The following KIAA0825 variants were observed in gnomAD, a reference collection of about 807,000 sequenced individuals.
The protein encoded by KIAA0825 is uncharacterized protein KIAA0825.
KIAA0825 carries 119 observed loss-of-function variants against 147.6 expected under a neutral mutation model. The observed-to-expected ratio is 0.81, with a 90% CI of 0.69 to 0.94. KIAA0825 has a LOEUF of 0.94. Ranked by LOEUF, KIAA0825 falls within the 40% of genes least tolerant of loss-of-function variation. KIAA0825 has a pLI of 0.00. For missense variants in KIAA0825, 1,381 were observed against 1,472.7 expected (o/e 0.94, Z 1.02); for synonymous variants, 470 against 518.1 (o/e 0.91, Z 1.26).
intron 2 of KIAA0825, among the ~76,000 whole-genome samples, chr5:94,542,026 T>G (rs944065344): frequency 1.3e-5 from 2 of 152,230 alleles, no homozygotes; most frequent in African/African-American, 4.8e-5. Flanking sequence ...CAATTATGTT[T>G]TTAACTGTGA....
chr5:94,589,642 C>T lies in KIAA0825; in HGVS notation c.-152-7059G>A, dbSNP rs147947427. ...ATCTCGTTGTATTTATTTCTAGGCA[C>T]TCCATATTTTGATTATATCTCCTTG... On this transcript the variant is annotated intron_variant, in intron 1 of 20. Coordinates refer to ENST00000682413, the MANE Select transcript of KIAA0825 (RefSeq NM_001145678.3). Among the ~76,000 whole-genome samples the T allele has an allele frequency of 2.1e-3, 313 of 152,184 alleles. 2 individuals carry two copies. Among genetic ancestry groups the T allele is most frequent in the African/African-American group, 7.3e-3 (305 of 41,544 alleles).
intron 20 of KIAA0825, among the ~76,000 whole-genome samples, chr5:94,209,726 A>G (rs892407742): frequency 2.0e-5 from 3 of 152,108 alleles, no homozygotes; most frequent in African/African-American, 7.2e-5. Context: ...GATTTTTTTG[A>G]CAGCATTGCC....
intron 3 of KIAA0825, 51 bp from the exon 4 acceptor site, chr5:94,524,149 T>G: frequency 8.2e-7 from 1 of 1,212,212 alleles, no homozygotes; most frequent in Non-Finnish European, 1.2e-6. Flanking sequence ...GATAATGGCT[T>G]CATTTCATAA....
In KIAA0825 at chr5:94,460,396, T is replaced by C. The variant is rs541414018; in HGVS notation, c.2246+1991A>G. On this transcript the variant is annotated intron_variant, in intron 12 of 20. Coordinates refer to ENST00000682413, the MANE Select transcript of KIAA0825 (RefSeq NM_001145678.3). ...TCTTCCTGAAAAGACTTTAAAATCA[T>C]GTATTCCTGTCCAGGGATTTCGTGG... is the stretch of plus-strand genomic sequence containing the variant. Among the ~76,000 whole-genome samples, 74 of 152,244 alleles carry C rather than the reference T, an allele frequency of 4.9e-4. 1 individual carries two copies. Among genetic ancestry groups the C allele is most frequent in the African/African-American group, 1.7e-3 (69 of 41,580 alleles).
At chr5:94,378,970 ATTTG>A (rs1473822884) in intron 20 of KIAA0825, among the ~76,000 whole-genome samples, 12 of 151,608 alleles carry the variant, frequency 7.9e-5, no homozygotes, top group Non-Finnish European at 1.3e-4. Flanking sequence ...TTGCTTGTTG[ATTTG>A]TTTAAGTTCC....
intron 20 of KIAA0825, among the ~76,000 whole-genome samples, chr5:94,312,547 C>T (rs1334273895): frequency 1.3e-5 from 2 of 151,578 alleles, no homozygotes; most frequent in Admixed American, 1.3e-4. Context: ...TTCTTAAGCA[C>T]GCTTTTGCAT....
chr5:94,290,773 C>T (rs574407259), intron 20 of KIAA0825, among the ~76,000 whole-genome samples: 2 of 152,312 alleles, frequency 1.3e-5, no homozygotes, highest in Non-Finnish European at 2.9e-5. Context: ...ATTCCTATTT[C>T]TCCACATCCT....
intron 20 of KIAA0825, among the ~76,000 whole-genome samples, chr5:94,290,438 T>C (rs1777838346): frequency 6.6e-6 from 1 of 152,176 alleles, no homozygotes; most frequent in South Asian, 2.1e-4. Flanking sequence ...TACAGCTTCA[T>C]CCATGTCCCT....
At chr5:94,608,807 T>C (rs886395751) in intron 1 of KIAA0825, among the ~76,000 whole-genome samples, 1 of 151,882 alleles carries the variant, frequency 6.6e-6, no homozygotes, top group Non-Finnish European at 1.5e-5. Context: ...TACTGTCAGA[T>C]GGACAGTTTT....
intron 20 of KIAA0825, among the ~76,000 whole-genome samples, chr5:94,296,978 T>G (rs1311590625): frequency 6.6e-6 from 1 of 152,230 alleles, no homozygotes; most frequent in Non-Finnish European, 1.5e-5. Flanking sequence ...AATTTTTTAT[T>G]GGTCTAAATT....
chr5:94,267,599 A>G (rs769897901), intron 20 of KIAA0825, among the ~76,000 whole-genome samples: 3 of 152,194 alleles, frequency 2.0e-5, no homozygotes, highest in Non-Finnish European at 4.4e-5. Flanking sequence ...CTAGACCTCA[A>G]CTTTCCCTAT....
At chr5:94,193,020 TA>T (rs1770815699) in intron 20 of KIAA0825, among the ~76,000 whole-genome samples, 1 of 152,206 alleles carries the variant, frequency 6.6e-6, no homozygotes, top group African/African-American at 2.4e-5. Context: ...TTGATTACAT[TA>T]AAATGGTTTC....
chr5:94,375,812 G>C (rs1173543043), intron 20 of KIAA0825, among the ~76,000 whole-genome samples: 1 of 152,182 alleles, frequency 6.6e-6, no homozygotes, highest in Non-Finnish European at 1.5e-5. Context: ...AGTTTGCAGA[G>C]TAGCACTAAG....
intron 20 of KIAA0825, among the ~76,000 whole-genome samples, chr5:94,249,561 G>T (rs1775833543): frequency 6.6e-6 from 1 of 152,048 alleles, no homozygotes; most frequent in Non-Finnish European, 1.5e-5. Flanking sequence ...TGCCCATGAA[G>T]CCGGTTTTGC....
chr5:94,431,656 G>A lies in KIAA0825; in HGVS notation c.2497+8326C>T, dbSNP rs191120608. Among the ~76,000 whole-genome samples the A allele has an allele frequency of 2.0e-5, 3 of 152,212 alleles. No homozygotes were observed. In the East Asian group the frequency reaches 5.8e-4, roughly 29 times the overall value. ...GTAAACAGAGACAAGAAATGGTCTA[G>A]GCATAAAAAAATAAATAAAAACAAC... On this transcript the variant is annotated intron_variant, in intron 14 of 20. Transcript: ENST00000682413.
chr5:94,237,558 C>T (rs1046981030), intron 20 of KIAA0825, among the ~76,000 whole-genome samples: 1 of 152,150 alleles, frequency 6.6e-6, no homozygotes, highest in Non-Finnish European at 1.5e-5. Context: ...ACACCCCTGG[C>T]ATTTTCTCTC....
At chr5:94,566,819 A>G (rs1584912478) in intron 2 of KIAA0825, among the ~76,000 whole-genome samples, 2 of 152,190 alleles carry the variant, frequency 1.3e-5, no homozygotes, top group East Asian at 3.8e-4. Context: ...TAGATGAAGT[A>G]CATTCTCAAT....
At chr5:94,589,826 T>C (rs1025052526) in intron 1 of KIAA0825, among the ~76,000 whole-genome samples, 3 of 149,906 alleles carry the variant, frequency 2.0e-5, no homozygotes, top group African/African-American at 7.4e-5. Context: ...ATCTGTACTT[T>C]ATCCTGTCTC....
intron 20 of KIAA0825, among the ~76,000 whole-genome samples, chr5:94,311,458 T>A (rs1233467150): frequency 6.6e-6 from 1 of 151,652 alleles, no homozygotes; most frequent in African/African-American, 2.4e-5. Flanking sequence ...ATTCTTTAAA[T>A]GTCTCATACT....
Sources: gnomAD v4.1 joint callset for allele counts (sites outside exome capture counted in the v4.1 genomes callset) on GRCh38, gnomAD v4.1.1 for gene constraint, MANE v1.5 for transcripts, NCBI Gene and HGNC (gene_info 2026-07-23, HGNC 2026-07-21) for gene names.